Variants in ZNF528 observed in about 807,000 individuals in gnomAD.
ZNF528 encodes the protein zinc finger protein 528.
ZNF528 carries 9 observed loss-of-function variants against 13.3 expected under a neutral mutation model. The observed-to-expected ratio is 0.67, with a 90% CI of 0.41 to 1.18. The LOEUF is 1.18. Among genes scored for constraint, ZNF528 ranks in the 50% most tolerant of loss-of-function variants. The pLI is 0.01. For synonymous variants in ZNF528, 264 were observed against 254.3 expected, an observed-to-expected ratio of 1.04 and a Z score of -0.36; for missense variants, 858 against 745.4, an observed-to-expected ratio of 1.15 and a Z score of -1.76.
chr19:52,414,391 C>G, intron 6 of ZNF528: 1 of 690,928 alleles, frequency 1.4e-6, no homozygotes, highest in Non-Finnish European at 2.6e-6. Context: ...AAGAAGGGGT[C>G]AGGGGGCTCC....
At chr19:52,414,998 A>G in intron 6 of ZNF528, 126 bp from the exon 7 acceptor site, 1 of 1,552,672 alleles carries the variant, frequency 6.4e-7, no homozygotes, top group Non-Finnish European at 8.7e-7. Context: ...TGCCAGCATG[A>G]TACACACAAT....
chr19:52,409,762 G>T (rs1162578844), intron 6 of ZNF528, among the ~76,000 whole-genome samples: 1 of 151,856 alleles, frequency 6.6e-6, no homozygotes, highest in Non-Finnish European at 1.5e-5. Flanking sequence ...TTACCCAGGG[G>T]CTGGAGTGCA....
At chr19:52,407,258 C>T (rs917298256) in intron 6 of ZNF528, among the ~76,000 whole-genome samples, 10 of 151,982 alleles carry the variant, frequency 6.6e-5, no homozygotes, top group African/African-American at 2.4e-4. Context: ...CCCACCTCAG[C>T]CTCCTGAATA....
intron 2 of ZNF528, among the ~76,000 whole-genome samples, 160 bp downstream of exon 2, chr19:52,398,779 A>T (rs1033841100): frequency 6.6e-6 from 1 of 152,130 alleles, no homozygotes; most frequent in Admixed American, 6.6e-5. Flanking sequence ...AGGAGGAGGG[A>T]TTTGGAGCCA....
chr19:52,416,236 G>T lies in ZNF528; in HGVS notation c.1384G>T (p.Glu462Ter). The T allele has an allele frequency of 6.2e-7, 1 of 1,613,870 alleles. No homozygotes were observed. The highest frequency in any genetic ancestry group is 8.5e-7 in the Non-Finnish European group (1 of 1,179,902). The change falls in exon 7 of 7, where the codon GAG becomes TAG. Residue 462 changes from glutamate to a stop codon, truncating the protein, a stop_gained. Coordinates refer to ENST00000360465, the MANE Select transcript of ZNF528 (RefSeq NM_032423.3). LOFTEE classifies it low-confidence loss of function (END_TRUNC). ...TGCCCATTTTCTAATCCATAGTGGA[G>T]AGAAACCTTATGAATGTAAAGAATG... ...LTAHFLIHSG[E>*]KPYECKECGK...
At chr19:52,401,890 G>A in intron 3 of ZNF528, 57 bp from the exon 4 acceptor site, 2 of 1,574,220 alleles carry the variant, frequency 1.3e-6, no homozygotes, top group Non-Finnish European at 1.7e-6. Context: ...TGTGGCTATG[G>A]CACAGGAAGG....
intron 6 of ZNF528, chr19:52,406,902 A>G: frequency 2.4e-6 from 1 of 413,144 alleles, no homozygotes; most frequent in Non-Finnish European, 4.2e-6. Context: ...GGGAAAACCA[A>G]AGTTGAAATC....
chr19:52,404,275 T>G (rs1251941335), intron 4 of ZNF528, among the ~76,000 whole-genome samples: 1 of 152,236 alleles, frequency 6.6e-6, no homozygotes, highest in South Asian at 2.1e-4. Flanking sequence ...TCACCCATTC[T>G]GGAGTGCAGT....
intron 4 of ZNF528, among the ~76,000 whole-genome samples, chr19:52,404,377 G>A (rs886660647): frequency 4.6e-5 from 7 of 151,174 alleles, no homozygotes; most frequent in African/African-American, 1.7e-4. Flanking sequence ...ACAAGCGCCT[G>A]CCACCACACC....
At position 52,406,745 on chromosome 19, in the gene ZNF528, C is replaced by T. The variant is rs1357590250; in HGVS notation, c.271+102C>T. The T allele has an allele frequency of 2.8e-6, 4 of 1,414,812 alleles. No individual in the cohort carries two copies. The African/African-American group carries it at 4.3e-5, about 15-fold the overall frequency. The allele number at this position is 1,414,812 out of a possible 1,614,324, so 87.6% of individuals were successfully genotyped here. On this transcript the variant is annotated intron_variant, in intron 6 of 6. Coordinates refer to ENST00000360465, the MANE Select transcript of ZNF528 (RefSeq NM_032423.3). Reference sequence around the variant, plus strand: ...CTAGAGTGCGGTGGCAATCATAGCTCACTGCAGCCTTGAATTCCTGGACTT... The same window carrying T: ...CTAGAGTGCGGTGGCAATCATAGCTTACTGCAGCCTTGAATTCCTGGACTT...
At chr19:52,410,080 G>A (rs780793355) in intron 6 of ZNF528, among the ~76,000 whole-genome samples, 1 of 152,174 alleles carries the variant, frequency 6.6e-6, no homozygotes, top group Non-Finnish European at 1.5e-5. Flanking sequence ...TGGGATTACA[G>A]GCATGAGCCA....
chr19:52,407,805 T>C (rs369994343), intron 6 of ZNF528, among the ~76,000 whole-genome samples: 7 of 152,268 alleles, frequency 4.6e-5, no homozygotes, highest in Middle Eastern at 3.4e-3. Context: ...TTTTTTCTTT[T>C]GTTAATTTCA....
In ZNF528 at chr19:52,398,572, A is replaced by G; in HGVS notation, c.-184A>G. 1.0e-6 allele frequency: 1 copy of G among 985,408 alleles called. No homozygotes were observed. Among genetic ancestry groups the G allele is most frequent in the South Asian group, 4.7e-5 (1 of 21,282 alleles). The allele number at this position is 985,408 out of a possible 1,614,324, so 61.0% of individuals were successfully genotyped here. Reference sequence around the variant, plus strand: ...GGCAGAGGAAATAGAGAAATTTTGAAAGAGAAATGAAGAATGAGAGACCCA... The same window carrying G: ...GGCAGAGGAAATAGAGAAATTTTGAGAGAGAAATGAAGAATGAGAGACCCA... On this transcript the variant is annotated 5_prime_UTR_variant, in exon 2 of 7. Transcript: ENST00000360465.
chr19:52,407,768 C>T (rs1448198245), intron 6 of ZNF528, among the ~76,000 whole-genome samples: 1 of 151,858 alleles, frequency 6.6e-6, no homozygotes, highest in East Asian at 1.9e-4. Flanking sequence ...AGAGTGAGAC[C>T]CTGTCTCAAA....
At chr19:52,408,553 G>A (rs1247110581) in intron 6 of ZNF528, 1 of 152,108 alleles carries the variant, frequency 6.6e-6, no homozygotes, top group African/African-American at 2.4e-5. Flanking sequence ...TTGATCATTT[G>A]TTGACCTTTT....
chr19:52,404,886 A>G (rs1244258866), intron 4 of ZNF528, among the ~76,000 whole-genome samples: 1 of 151,620 alleles, frequency 6.6e-6, no homozygotes, highest in Non-Finnish European at 1.5e-5. Context: ...AGCATGAGCC[A>G]CCACACCTGG....
At chr19:52,407,558 T>G (rs2122546758) in intron 6 of ZNF528, among the ~76,000 whole-genome samples, 1 of 152,074 alleles carries the variant, frequency 6.6e-6, no homozygotes, top group African/African-American at 2.4e-5. Context: ...GGCAGATCAC[T>G]TGAGGCCAGG....
At chr19:52,414,982 C>G in intron 6 of ZNF528, 142 bp from the exon 7 acceptor site, 1 of 1,542,356 alleles carries the variant, frequency 6.5e-7, no homozygotes, top group Non-Finnish European at 8.7e-7. Context: ...CTTGTGTTTT[C>G]TGCACTGCCA....
Position 52,415,520 on chromosome 19 carries a change from G to T in ZNF528, c.668G>T (p.Ser223Ile), listed in dbSNP as rs1176969774. The change falls in exon 7 of 7, where the codon AGT becomes ATT. Residue 223 changes from serine (S) to isoleucine (I), a missense_variant. Transcript: ENST00000360465. ...TGCAGTGAATGTGGCAAGGTCTTTA[G>T]TTGCAGTTCAAAGCTTGTGATACAT... The part of the protein sequence containing the change: ...YKCSECGKVF[S>I]CSSKLVIHRR... 6.2e-7 allele frequency: 1 copy of T among 1,614,066 alleles called. No individual in the cohort carries two copies. The highest frequency in any genetic ancestry group is 8.5e-7 in the Non-Finnish European group (1 of 1,180,044).
Sources: gnomAD v4.1 joint callset for allele counts (sites outside exome capture counted in the v4.1 genomes callset) on GRCh38, gnomAD v4.1.1 for gene constraint, MANE v1.5 for transcripts, NCBI Gene and HGNC (gene_info 2026-07-23, HGNC 2026-07-21) for gene names.